MYSM1: variants seen among roughly 807,000 people sequenced by gnomAD.
The protein encoded by MYSM1 is Myb like, SWIRM and MPN domains 1.
In MYSM1, 51 loss-of-function variants were observed where a neutral mutation model predicts 116.0. The observed-to-expected ratio is 0.44, with a 90% CI of 0.35 to 0.56. MYSM1 has a LOEUF of 0.56. Among genes scored for constraint, MYSM1 ranks in the 20% least tolerant of loss-of-function variants. The pLI is 0.00. For synonymous variants in MYSM1, 313 were observed against 315.2 expected, an observed-to-expected ratio of 0.99 and a Z score of 0.07; for missense variants, 900 against 974.9, an observed-to-expected ratio of 0.92 and a Z score of 1.02.
At chr1:58,672,176 T>TTC (rs1644572439) in intron 11 of MYSM1, among the ~76,000 whole-genome samples, 1 of 152,184 alleles carries the variant, frequency 6.6e-6, no homozygotes, top group South Asian at 2.1e-4. Flanking sequence ...AATTTACTCC[T>TTC]TCTCTTGATT....
chr1:58,688,435 A>G (rs1644859267), intron 6 of MYSM1, among the ~76,000 whole-genome samples: 1 of 151,774 alleles, frequency 6.6e-6, no homozygotes, highest in Non-Finnish European at 1.5e-5. Flanking sequence ...AAAAAATCCT[A>G]AGTATTTTTT....
chr1:58,666,185 T>G (rs1045059166), intron 16 of MYSM1, among the ~76,000 whole-genome samples: 1 of 152,150 alleles, frequency 6.6e-6, no homozygotes, highest in Non-Finnish European at 1.5e-5. Context: ...AAATATAAAA[T>G]GGCCTACACA....
rs182420064 is a variant in MYSM1, at chr1:58,671,665, T to C, written c.1661+205A>G. The stretch of plus-strand genomic sequence containing the variant: ...CCTTTACAACATATGTTGGATCATA[T>C]GTTCAATGAATCTGAACAAATTTAA... On this transcript the variant is annotated intron_variant, in intron 12 of 19. Transcript: ENST00000472487. Among the ~76,000 whole-genome samples, 157 of 152,326 alleles carry C rather than the reference T, an allele frequency of 1.0e-3. 3 individuals carry two copies. In the East Asian group the frequency reaches 0.017, roughly 16 times the overall value.
intron 2 of MYSM1, among the ~76,000 whole-genome samples, chr1:58,694,331 ACT>A (rs1200567029): frequency 6.6e-6 from 1 of 152,220 alleles, no homozygotes; most frequent in Non-Finnish European, 1.5e-5. Context: ...TCAATAAGTA[ACT>A]ACTACATGGC....
chr1:58,677,052 T>G lies in MYSM1; in HGVS notation c.1264A>C (p.Ile422Leu). The stretch of plus-strand genomic sequence containing the variant: ...TTATTTAAGTATTTTGGTTTGCATA[T>G]CTCCCTAATTAAGAGACAGAAGTAC... The part of the protein sequence containing the change: ...IRNYILDQWE[I>L]CKPKYLNKTS... Residue 422 changes from isoleucine (I) to leucine (L), a missense_variant, in exon 9 of 20, where the codon ATA becomes CTA. Ile to Leu is a conservative substitution (Grantham distance 5, BLOSUM62 2). This residue lies in a region of MYSM1 where 622 missense variants were observed against 623.7 expected (regional missense o/e 1.00). Transcript: ENST00000472487. 6.2e-7 allele frequency: 1 copy of G among 1,601,252 alleles called. No homozygotes were observed. Among genetic ancestry groups the G allele is most frequent in the Non-Finnish European group, 8.5e-7 (1 of 1,174,386 alleles).
chr1:58,676,895 G>C (rs778597012), intron 9 of MYSM1, 31 bp downstream of exon 9: 2 of 1,602,352 alleles, frequency 1.2e-6, no homozygotes, highest in Non-Finnish European at 1.7e-6. Context: ...AAAATGTCGA[G>C]TAAAAGATGT....
In MYSM1 at chr1:58,665,577, T is replaced by G; in HGVS notation, c.2086A>C (p.Asn696His). Residue 696 changes from asparagine (N) to histidine (H), a missense_variant, in exon 17 of 20, where the codon AAT becomes CAT. Around this residue, in one of 3 missense-constraint regions of MYSM1, gnomAD observed 186 missense variants for 196.2 expected, o/e 0.95. Coordinates refer to ENST00000472487, the MANE Select transcript of MYSM1 (RefSeq NM_001085487.3). ...KFIGMIVSPY[N>H]RNNPLPYSQI... is the part of the protein sequence containing the mutation. ...GAATATGGTAAGGGATTATTTCGATTATAGGGACTAACAATCATCCCAATG... is the reference window on the plus strand; with the variant it reads ...GAATATGGTAAGGGATTATTTCGATGATAGGGACTAACAATCATCCCAATG... The G allele has an allele frequency of 6.3e-7, 1 of 1,592,088 alleles. No individual in the cohort carries two copies. The highest frequency in any genetic ancestry group is 8.6e-7 in the Non-Finnish European group (1 of 1,160,206).
intron 12 of MYSM1, among the ~76,000 whole-genome samples, chr1:58,670,228 A>T (rs1462797082): frequency 6.6e-6 from 1 of 152,236 alleles, no homozygotes; most frequent in African/African-American, 2.4e-5. Flanking sequence ...GTGTTTAATC[A>T]ACACAAAAAG....
At chr1:58,662,584 T>C (rs1644410360) in intron 17 of MYSM1, among the ~76,000 whole-genome samples, 1 of 151,648 alleles carries the variant, frequency 6.6e-6, no homozygotes, top group African/African-American at 2.4e-5. Context: ...GCTTTTAACT[T>C]ATACATAATA....
At chr1:58,695,848 T>C (rs1190956507) in intron 1 of MYSM1, among the ~76,000 whole-genome samples, 1 of 152,204 alleles carries the variant, frequency 6.6e-6, no homozygotes, top group Non-Finnish European at 1.5e-5. Flanking sequence ...TTCATTAAGC[T>C]CCTAAGAGCT....
At chr1:58,673,710 C>T in intron 10 of MYSM1, 60 bp from the exon 11 acceptor site, 2 of 1,314,418 alleles carry the variant, frequency 1.5e-6, no homozygotes, top group Non-Finnish European at 2.2e-6. Context: ...AATCATAGCA[C>T]ATTAATACAC....
chr1:58,690,398 A>AT lies in MYSM1; in HGVS notation c.237dup (p.Ser80IlefsTer9). On this transcript the variant is annotated frameshift_variant, in exon 4 of 20. Transcript: ENST00000472487. LOFTEE classifies it high-confidence loss of function. ...TCAAGCCAGACTTTTTCCGGTTGTG[A>AT]TTTTTTAGATAAATAATATCTGTGT... 2 of 1,599,138 alleles carry AT rather than the reference A, an allele frequency of 1.3e-6. No individual in the cohort carries two copies. The highest frequency in any genetic ancestry group is 1.7e-6 in the Non-Finnish European group (2 of 1,171,882).
intron 15 of MYSM1, among the ~76,000 whole-genome samples, chr1:58,667,644 T>C (rs1427752057): frequency 2.0e-5 from 3 of 152,026 alleles, no homozygotes; most frequent in African/African-American, 7.3e-5. Flanking sequence ...GGCAATGTTC[T>C]CTCGGTGGTA....
Position 58,675,517 on chromosome 1 carries a change from G to A in MYSM1, c.1454C>T (p.Ala485Val). 1 of 1,613,262 alleles carries A rather than the reference G, an allele frequency of 6.2e-7. No homozygotes were observed. The highest frequency in any genetic ancestry group is 8.5e-7 in the Non-Finnish European group (1 of 1,179,620). Residue 485 changes from alanine to valine, a missense_variant, in exon 10 of 20, where the codon GCA becomes GTA. This residue lies in a region of MYSM1 where 622 missense variants were observed against 623.7 expected (regional missense o/e 1.00). Coordinates refer to ENST00000472487, the MANE Select transcript of MYSM1 (RefSeq NM_001085487.3). ...CTGGGCAAGTTGGTATGCTTCTACTGCATCTTTTCTGTCTCTGATTCGTAC... is the reference window on the plus strand; with the variant it reads ...CTGGGCAAGTTGGTATGCTTCTACTACATCTTTTCTGTCTCTGATTCGTAC... ...DKVRIRDRKD[A>V]VEAYQLAQRL... is the part of the protein sequence containing the mutation.
intron 17 of MYSM1, among the ~76,000 whole-genome samples, chr1:58,665,078 C>G (rs1417715722): frequency 6.6e-6 from 1 of 152,114 alleles, no homozygotes; most frequent in African/African-American, 2.4e-5. Flanking sequence ...TTGAGTTAGT[C>G]ATTGTTAACC....
rs76941380 is a variant in MYSM1 at position 58,694,135 on chromosome 1, G to A, written c.147+994C>T. On this transcript the variant is annotated intron_variant, in intron 2 of 19. Transcript: ENST00000472487. Reference sequence around the variant, plus strand: ...TCACTGACAATTTAATCTAAACTAGGTTTCCCACTCTGGTACTCTCATTCA... The same window carrying A: ...TCACTGACAATTTAATCTAAACTAGATTTCCCACTCTGGTACTCTCATTCA... Among the ~76,000 whole-genome samples, 1,371 of 152,122 alleles carry A rather than the reference G, an allele frequency of 9.0e-3. 18 individuals are homozygous for A. Among genetic ancestry groups the A allele is most frequent in the African/African-American group, 0.031 (1,293 of 41,450 alleles).
At chr1:58,699,657 T>TA (rs1310452445) in intron 1 of MYSM1, 1 of 985,330 alleles carries the variant, frequency 1.0e-6, no homozygotes, top group Admixed American at 6.1e-5. Context: ...TTGTTCTAGT[T>TA]ACTGTCGATG....
At chr1:58,692,690 C>A in intron 3 of MYSM1, 171 bp downstream of exon 3, 1 of 499,706 alleles carries the variant, frequency 2.0e-6, no homozygotes, top group Admixed American at 3.6e-5. Flanking sequence ...TAAAACAGAA[C>A]CTGAGGAAGA....
At chr1:58,676,532 T>C (rs1644656519) in intron 9 of MYSM1, among the ~76,000 whole-genome samples, 1 of 152,188 alleles carries the variant, frequency 6.6e-6, no homozygotes. Flanking sequence ...CACATGTAAG[T>C]GTAGAGGCTC....
Sources: allele counts gnomAD v4.1 joint callset (sites outside exome capture counted in the v4.1 genomes callset), GRCh38; gene constraint gnomAD v4.1.1; regional missense constraint gnomAD v4.1.1; transcripts MANE v1.5; gene names NCBI Gene and HGNC (gene_info 2026-07-23, HGNC 2026-07-21).